The following RABGAP1L variants were observed in gnomAD, a reference collection of about 807,000 sequenced individuals.
The protein encoded by RABGAP1L is RAB GTPase activating protein 1 like, also known as rab GTPase-activating protein 1-like.
A neutral mutation model predicts 137.7 loss-of-function variants in RABGAP1L; 63 were observed. The ratio of observed to expected loss-of-function variants is 0.46; its 90% CI spans 0.37 to 0.56. The LOEUF is 0.56. Ranked by LOEUF, RABGAP1L falls within the 20% of genes least tolerant of loss-of-function variation. RABGAP1L has a pLI of 0.00. For missense variants in RABGAP1L, 1,095 were observed against 1,244.0 expected, an observed-to-expected ratio of 0.88 and a Z score of 1.80; for synonymous variants, 431 against 433.7, an observed-to-expected ratio of 0.99 and a Z score of 0.08.
chr1:174,760,582 C>G (rs1685141297), intron 18 of RABGAP1L, among the ~76,000 whole-genome samples: 2 of 152,174 alleles, frequency 1.3e-5, no homozygotes, highest in African/African-American at 4.8e-5. Context: ...TGATGGGCAT[C>G]TAGGTTGATT....
intron 13 of RABGAP1L, among the ~76,000 whole-genome samples, chr1:174,413,735 A>T (rs1650210761): frequency 6.6e-6 from 1 of 152,022 alleles, no homozygotes; most frequent in South Asian, 2.1e-4. Flanking sequence ...TTGCTTCTAT[A>T]GCCCTATGCA....
At chr1:174,293,111 AT>A (rs60138785) in intron 10 of RABGAP1L, among the ~76,000 whole-genome samples, 59,051 of 149,236 alleles carry the variant, frequency 0.4, 14,488 homozygotes, top group African/African-American at 0.7. Context: ...TAAAATTAGG[AT>A]TTTTTTTTTT....
intron 18 of RABGAP1L, among the ~76,000 whole-genome samples, chr1:174,759,537 G>T (rs941133520): frequency 6.6e-6 from 1 of 151,508 alleles, no homozygotes; most frequent in African/African-American, 2.4e-5. Flanking sequence ...AGAGGTTGCA[G>T]TGAGCCAAAA....
intron 19 of RABGAP1L, among the ~76,000 whole-genome samples, chr1:174,843,730 TG>T: frequency 1.1e-5 from 1 of 90,892 alleles, no homozygotes; most frequent in South Asian, 4.6e-4. Flanking sequence ...TATAGTCATT[TG>T]GGTATATACC....
chr1:174,682,932 C>A (rs1252159556), intron 14 of RABGAP1L, among the ~76,000 whole-genome samples: 6 of 151,982 alleles, frequency 3.9e-5, no homozygotes, highest in Non-Finnish European at 7.4e-5. Context: ...AAGCATGGGA[C>A]AATGCTAAAT....
intron 18 of RABGAP1L, among the ~76,000 whole-genome samples, chr1:174,775,648 A>G (rs1686471642): frequency 6.6e-6 from 1 of 152,100 alleles, no homozygotes; most frequent in South Asian, 2.1e-4. Context: ...TCAGCAGTCT[A>G]TATAGTCTAC....
intron 11 of RABGAP1L, among the ~76,000 whole-genome samples, chr1:174,327,984 CACATATATATATATAT>C (rs1485732136): frequency 3.7e-4 from 14 of 37,864 alleles, no homozygotes; most frequent in East Asian, 6.2e-4. Flanking sequence ...TATATACACA[CACATATATATATATAT>C]ATATATATAT....
intron 24 of RABGAP1L, among the ~76,000 whole-genome samples, chr1:174,987,092 G>A (rs1671651910): frequency 6.6e-6 from 1 of 152,186 alleles, no homozygotes; most frequent in East Asian, 1.9e-4. Flanking sequence ...GGGATGAGAA[G>A]GAAGCCAGTG....
At chr1:174,318,160 A>G (rs775229054) in intron 11 of RABGAP1L, among the ~76,000 whole-genome samples, 2 of 151,614 alleles carry the variant, frequency 1.3e-5, no homozygotes, top group African/African-American at 4.9e-5. Context: ...TTCTGTGTAG[A>G]TAGTTGTTAA....
chr1:174,849,132 C>G (rs947088593), intron 19 of RABGAP1L, among the ~76,000 whole-genome samples: 2 of 152,168 alleles, frequency 1.3e-5, no homozygotes, highest in African/African-American at 4.8e-5. Flanking sequence ...CTGTCTGGCA[C>G]TCCCTAGTGA....
chr1:174,823,632 A>AAGTTAT (rs1440674620), intron 19 of RABGAP1L, among the ~76,000 whole-genome samples: 1 of 152,226 alleles, frequency 6.6e-6, no homozygotes, highest in Non-Finnish European at 1.5e-5. Flanking sequence ...TAGAAGGAAT[A>AAGTTAT]AGTTATAGTA....
chr1:174,370,538 G>A (rs1427866643), intron 11 of RABGAP1L, among the ~76,000 whole-genome samples: 2 of 74,712 alleles, frequency 2.7e-5, no homozygotes, highest in East Asian at 3.5e-4. Flanking sequence ...TTACATTTCC[G>A]GTTGTTTGTG....
intron 19 of RABGAP1L, among the ~76,000 whole-genome samples, chr1:174,901,230 G>T (rs1658093927): frequency 6.6e-6 from 1 of 152,080 alleles, no homozygotes; most frequent in South Asian, 2.1e-4. Flanking sequence ...GTTGCATTGG[G>T]TTATGTATTA....
chr1:174,919,605 G>A (rs1226330176), intron 19 of RABGAP1L, among the ~76,000 whole-genome samples: 1 of 152,064 alleles, frequency 6.6e-6, no homozygotes, highest in Non-Finnish European at 1.5e-5. Flanking sequence ...TGTAATCTCA[G>A]TACTTTGGGA....
At chr1:174,197,813 C>G (rs1571499915) in intron 1 of RABGAP1L, among the ~76,000 whole-genome samples, 2 of 151,796 alleles carry the variant, frequency 1.3e-5, no homozygotes, top group South Asian at 4.2e-4. Context: ...AAAAAAAAAT[C>G]TGTTATGGTG....
intron 13 of RABGAP1L, among the ~76,000 whole-genome samples, chr1:174,613,228 A>T (rs1671444661): frequency 6.6e-6 from 1 of 151,610 alleles, no homozygotes; most frequent in African/African-American, 2.4e-5. Flanking sequence ...AGTGCTTTGA[A>T]TGTGTCCCAG....
intron 13 of RABGAP1L, among the ~76,000 whole-genome samples, chr1:174,552,603 A>G (rs544315425): frequency 1.3e-5 from 2 of 152,214 alleles, no homozygotes; most frequent in South Asian, 4.2e-4. Flanking sequence ...TGAAATACCA[A>G]TACTCTTTAT....
chr1:174,260,747 ACACTATTACTAGCACTGTTACCTAAATG>A (rs1673513984), intron 7 of RABGAP1L, among the ~76,000 whole-genome samples: 1 of 152,206 alleles, frequency 6.6e-6, no homozygotes, highest in African/African-American at 2.4e-5. Flanking sequence ...TGTTTAAAAT[ACACTATTACTAGCACTGTTACCTAAATG>A]CACTATTACT....
At chr1:174,558,092 G>A (rs969549618) in intron 13 of RABGAP1L, among the ~76,000 whole-genome samples, 1 of 152,208 alleles carries the variant, frequency 6.6e-6, no homozygotes, top group Non-Finnish European at 1.5e-5. Flanking sequence ...TCCCTGAAGA[G>A]TTTCCCTTGA....
Sources: gnomAD v4.1 joint callset for allele counts (sites outside exome capture counted in the v4.1 genomes callset) on GRCh38, gnomAD v4.1.1 for gene constraint, MANE v1.5 for transcripts, NCBI Gene and HGNC (gene_info 2026-07-23, HGNC 2026-07-21) for gene names.